Variants in MAN2A2 observed in about 807,000 individuals in gnomAD.
MAN2A2 encodes mannosidase alpha class 2A member 2, also known as alpha-mannosidase 2x.
In MAN2A2, 79 loss-of-function variants were observed where a neutral mutation model predicts 126.8. That is an observed-to-expected ratio of 0.62 (90% confidence interval 0.52 to 0.75). MAN2A2 has a LOEUF of 0.75. Among genes scored for constraint, MAN2A2 ranks in the 30% least tolerant of loss-of-function variants. The pLI is 0.00. For missense variants in MAN2A2, 1,392 were observed against 1,522.4 expected (o/e 0.91, Z 1.43); for synonymous variants, 671 against 618.7 (o/e 1.08, Z -1.25).
chr15:90,911,033 G>C, intron 12 of MAN2A2, 72 bp downstream of exon 12: 1 of 1,494,714 alleles, frequency 6.7e-7, no homozygotes. Flanking sequence ...TGCTGGATGG[G>C]GGTGCCGCTT....
chr15:90,919,208 A>G (rs2035415693), intron 22 of MAN2A2, among the ~76,000 whole-genome samples: 1 of 152,210 alleles, frequency 6.6e-6, no homozygotes, highest in Non-Finnish European at 1.5e-5. Context: ...GGGTTGAGCA[A>G]ATCTCAGCAA....
At chr15:90,903,571 C>G (rs1192731950) in intron 1 of MAN2A2, 139 bp downstream of exon 1, 1 of 164,268 alleles carries the variant, frequency 6.1e-6, no homozygotes, top group Non-Finnish European at 1.4e-5. Context: ...CCCCTAAGTG[C>G]TCTGCAAACC....
chr15:90,912,769 A>G, intron 16 of MAN2A2, 105 bp downstream of exon 16: 1 of 1,570,240 alleles, frequency 6.4e-7, no homozygotes, highest in Non-Finnish European at 8.7e-7. Flanking sequence ...TTTCCTGTTC[A>G]GCCCAGGGGT....
intron 19 of MAN2A2, 175 bp from the exon 20 acceptor site, chr15:90,915,948 C>A: frequency 1.6e-6 from 1 of 609,466 alleles, no homozygotes; most frequent in Non-Finnish European, 2.8e-6. Context: ...CCAGGACGAG[C>A]CCCTCATCAG....
At chr15:90,906,311 G>C (rs1318577076) in intron 5 of MAN2A2, 59 bp from the exon 6 acceptor site, 4 of 1,605,862 alleles carry the variant, frequency 2.5e-6, no homozygotes, top group Non-Finnish European at 3.4e-6. Flanking sequence ...GACATTTGCT[G>C]GTTGGCAGGA....
At chr15:90,916,910 C>A (rs2035232150) in intron 20 of MAN2A2, among the ~76,000 whole-genome samples, 1 of 152,260 alleles carries the variant, frequency 6.6e-6, no homozygotes, top group African/African-American at 2.4e-5. Context: ...TCTCACTGAT[C>A]CTGAGGAGCA....
rs2035566055 is a variant in MAN2A2, at chr15:90,922,035, T to C, written c.*2248T>C. The C allele has an allele frequency of 6.6e-6, 1 of 152,204 alleles. No individual in the cohort carries two copies. Among genetic ancestry groups the C allele is most frequent in the Non-Finnish European group, 1.5e-5 (1 of 68,042 alleles). 9.4% of individuals were successfully genotyped at this position (152,204 alleles called of 1,614,324 possible). A position where few individuals can be genotyped will look rare whatever the true frequency, so the allele number is the denominator to read the frequency against. On this transcript the variant is annotated 3_prime_UTR_variant, in exon 23 of 23. Transcript: ENST00000559717. ...ATACCTCTGGTGTGGGACGGTCTTT[T>C]CTAAACTTTAACATGAGACTTAAAA...
rs1290876080 is a variant in MAN2A2 at position 90,906,507 on chromosome 15, G to C, written c.835+10G>C. The C allele has an allele frequency of 1.2e-6, 2 of 1,614,158 alleles. No individual in the cohort carries two copies. The highest frequency in any genetic ancestry group is 1.3e-5 in the African/African-American group (1 of 75,064). ...CTGGAGAGAAATCTTGGTAAGTCCA[G>C]GCCCAGGCATGGGGGTCTGCCCCCT... On this transcript the variant is annotated intron_variant, in intron 6 of 22. Coordinates refer to ENST00000559717, the MANE Select transcript of MAN2A2 (RefSeq NM_006122.4).
At chr15:90,916,721 C>T in intron 20 of MAN2A2, 1 of 1,219,236 alleles carries the variant, frequency 8.2e-7, no homozygotes, top group Non-Finnish European at 1.1e-6. Flanking sequence ...CGCCAGAGCC[C>T]AGGTGACAGA....
rs1234748521 is a variant in MAN2A2, at chr15:90,918,329, C to A, written c.3130C>A (p.Leu1044Met). Residue 1044 changes from leucine (L) to methionine (M), a missense_variant, in exon 21 of 23, where the codon CTG becomes ATG. Coordinates refer to ENST00000559717, the MANE Select transcript of MAN2A2 (RefSeq NM_006122.4). Reference protein sequence around the residue: ...PGPGLRSFHPLASSLPCDFHL... With the variant: ...PGPGLRSFHPMASSLPCDFHL... ...CCCTGGTCTGCGCTCATTTCATCCT[C>A]TGGCTTCCTCACTGCCCTGTGACTT... 6.2e-7 allele frequency: 1 copy of A among 1,614,220 alleles called. No homozygotes were observed. The highest frequency in any genetic ancestry group is 1.3e-5 in the African/African-American group (1 of 75,058).
At position 90,911,482 on chromosome 15, in the gene MAN2A2, C is replaced by T. The variant is rs774396509; in HGVS notation, c.2041C>T (p.Gln681Ter). The T allele has an allele frequency of 6.2e-7, 1 of 1,614,182 alleles. No individual in the cohort carries two copies. ...PRVRVLSEEG[Q>*]PLAVQISAHW... Reference sequence around the variant, plus strand: ...CGTGCGTGTCCTTTCGGAGGAGGGTCAGCCCCTGGCCGTGCAGATCAGCGC... The same window carrying T: ...CGTGCGTGTCCTTTCGGAGGAGGGTTAGCCCCTGGCCGTGCAGATCAGCGC... The change falls in exon 14 of 23, where the codon CAG (glutamine) becomes TAG (stop). Residue 681 changes from glutamine to a stop codon, truncating the protein, a stop_gained. Coordinates refer to ENST00000559717, the MANE Select transcript of MAN2A2 (RefSeq NM_006122.4). LOFTEE classifies it high-confidence loss of function.
Position 90,907,020 on chromosome 15 carries a change from G to A in MAN2A2, c.1009+107G>A, listed in dbSNP as rs551136880. ...ACTGTTCTTCAGAGCAGACCTGCAG[G>A]CACTGGTGTGGACTGCCAGAAATGG... On this transcript the variant is annotated intron_variant, in intron 7 of 22. Transcript: ENST00000559717. 95 of 1,377,868 alleles carry A rather than the reference G, an allele frequency of 6.9e-5. No homozygotes were observed. The African/African-American group carries it at 1.2e-3, about 18-fold the overall frequency. 85.4% of individuals were successfully genotyped at this position (1,377,868 alleles called of 1,614,324 possible). A position where few individuals can be genotyped will look rare whatever the true frequency, so the allele number is the denominator to read the frequency against.
At chr15:90,911,086 A>G in intron 12 of MAN2A2, 85 bp from the exon 13 acceptor site, 1 of 1,512,776 alleles carries the variant, frequency 6.6e-7, no homozygotes, top group East Asian at 2.3e-5. Context: ...TGCCCAGTGC[A>G]GCCGCTGGTC....
chr15:90,921,557 A>G lies in MAN2A2; in HGVS notation c.*1770A>G, dbSNP rs2035543938. The G allele has an allele frequency of 6.6e-6, 1 of 152,206 alleles. No homozygotes were observed. Among genetic ancestry groups the G allele is most frequent in the Admixed American group, 6.5e-5 (1 of 15,282 alleles). The allele number at this position is 152,206 out of a possible 1,614,324, so 9.4% of individuals were successfully genotyped here. ...CTACAGGAATTTAGTATATGGTAAGAGGGATGTTTTAAGTGGGGAAAAAGG... is the reference window on the plus strand; with the variant it reads ...CTACAGGAATTTAGTATATGGTAAGGGGGATGTTTTAAGTGGGGAAAAAGG... On this transcript the variant is annotated 3_prime_UTR_variant, in exon 23 of 23. Coordinates refer to ENST00000559717, the MANE Select transcript of MAN2A2 (RefSeq NM_006122.4).
At chr15:90,915,055 G>C (rs1032525674) in intron 19 of MAN2A2, among the ~76,000 whole-genome samples, 1 of 152,204 alleles carries the variant, frequency 6.6e-6, no homozygotes, top group Non-Finnish European at 1.5e-5. Flanking sequence ...TGGCAAGTTC[G>C]GGGGCCTGAC....
chr15:90,906,119 C>G, intron 5 of MAN2A2, 103 bp downstream of exon 5: 1 of 1,505,202 alleles, frequency 6.6e-7, no homozygotes, highest in Non-Finnish European at 9.1e-7. Flanking sequence ...AGGGAGAGGC[C>G]CAGAGAGCTG....
rs544507220 is a variant in MAN2A2 at position 90,914,668 on chromosome 15, C to T, written c.2860+913C>T. Among the ~76,000 whole-genome samples the T allele has an allele frequency of 3.9e-5, 6 of 152,240 alleles. No individual in the cohort carries two copies. The South Asian group carries it at 6.2e-4, about 16-fold the overall frequency. On this transcript the variant is annotated intron_variant, in intron 19 of 22. Transcript: ENST00000559717. ...CTGAGTAGCTGGGATTACAGGCGCC[C>T]GCCACCATGCGCAGCTAGTTTTTCT...
intron 1 of MAN2A2, 135 bp from the exon 2 acceptor site, chr15:90,904,055 C>T (rs1439038852): frequency 1.1e-6 from 1 of 940,982 alleles, no homozygotes; most frequent in Non-Finnish European, 1.7e-6. Flanking sequence ...CTCAGATGTG[C>T]TGCTTGTGCT....
At chr15:90,903,034 G>A (rs1043356853), upstream of MAN2A2, 1 of 152,238 alleles carries the variant, frequency 6.6e-6, no homozygotes, top group Non-Finnish European at 1.5e-5. Context: ...GGCCGGGCTC[G>A]GGCGGCGGGA....
Sources: gnomAD v4.1 joint callset for allele counts (sites outside exome capture counted in the v4.1 genomes callset) on GRCh38, gnomAD v4.1.1 for gene constraint, MANE v1.5 for transcripts, NCBI Gene and HGNC (gene_info 2026-07-23, HGNC 2026-07-21) for gene names.